The following CAPN11 variants were observed in gnomAD, a reference collection of about 807,000 sequenced individuals.
The protein encoded by CAPN11 is calpain-11.
Under a neutral mutation model 105.3 loss-of-function variants are expected in CAPN11, and 108 were observed. That is an observed-to-expected ratio of 1.03 (90% confidence interval 0.88 to 1.20). The LOEUF is 1.20. Ranked by LOEUF, CAPN11 falls within the 50% of genes most tolerant of loss-of-function variation. The probability of loss-of-function intolerance (pLI) is 0.00; values close to 1 mark genes in which losing one functional copy is unlikely to be tolerated. For synonymous variants in CAPN11, 329 were observed against 344.5 expected (o/e 0.96, Z 0.50); for missense variants, 883 against 924.8 (o/e 0.95, Z 0.59).
intron 2 of CAPN11, chr6:44,169,045 T>G (rs1300074240): frequency 1.8e-6 from 1 of 547,332 alleles, no homozygotes; most frequent in Admixed American, 2.2e-5. Flanking sequence ...ATCCTCCCAT[T>G]TCAGCCTCCT....
intron 4 of CAPN11, among the ~76,000 whole-genome samples, chr6:44,170,821 G>A (rs1196381054): frequency 6.6e-6 from 1 of 152,154 alleles, no homozygotes; most frequent in African/African-American, 2.4e-5. Context: ...CTCTCACAGG[G>A]CTCCCATAGA....
At chr6:44,177,497 T>G in intron 12 of CAPN11, 77 bp downstream of exon 12, 2 of 1,358,294 alleles carry the variant, frequency 1.5e-6, no homozygotes, top group Non-Finnish European at 2.0e-6. Context: ...TCTTTCTTTT[T>G]TTTTTTTCGA....
rs562316719 is a variant in CAPN11, at chr6:44,173,578, T to G, written c.831+192T>G. 3.4e-4 allele frequency among the ~76,000 whole-genome samples: 48 copies of G among 140,116 alleles called. 1 individual carries two copies. Among genetic ancestry groups the G allele is most frequent in the African/African-American group, 1.1e-3 (44 of 39,776 alleles). 91.9% of individuals were successfully genotyped at this position (140,116 alleles called of 152,430 possible). On this transcript the variant is annotated intron_variant, in intron 7 of 22. Transcript: ENST00000398776. Reference sequence around the variant, plus strand: ...CTATTTACTTTCTTTTTGTTTTTTTTTGTTTGTTTGTTTTGTTTTTTTGAG... The same window carrying G: ...CTATTTACTTTCTTTTTGTTTTTTTGTGTTTGTTTGTTTTGTTTTTTTGAG...
chr6:44,183,253 C>A lies in CAPN11; in HGVS notation c.2134+18C>A, dbSNP rs763059041. The A allele has an allele frequency of 6.6e-7, 1 of 1,515,108 alleles. No individual in the cohort carries two copies. The highest frequency in any genetic ancestry group is 9.2e-7 in the Non-Finnish European group (1 of 1,089,784). The allele number at this position is 1,515,108 out of a possible 1,614,324, so 93.9% of individuals were successfully genotyped here. On this transcript the variant is annotated intron_variant, in intron 21 of 22. Transcript: ENST00000398776. ...CATGTTCAGTGAGTTAGGCATCTAC[C>A]CACTCCCCAGCCTAGGCCAGGGGCC...
At chr6:44,180,366 G>T in intron 14 of CAPN11, 94 bp from the exon 15 acceptor site, 3 of 1,243,948 alleles carry the variant, frequency 2.4e-6, no homozygotes, top group Non-Finnish European at 3.5e-6. Flanking sequence ...GCCCTATATT[G>T]CTTCAAAGAC....
At chr6:44,166,257 G>A (rs959400681) in intron 1 of CAPN11, among the ~76,000 whole-genome samples, 2 of 152,180 alleles carry the variant, frequency 1.3e-5, no homozygotes, top group Non-Finnish European at 2.9e-5. Flanking sequence ...CCTTCAGGCT[G>A]AGGAGAAACA....
chr6:44,162,475 C>T lies in CAPN11; in HGVS notation c.16+3611C>T, dbSNP rs564667720. ...CCATTTCTAAGATAATCCCAGAGGG[C>T]TTGGGTTAGAAGAGACAGGGTTTGA... On this transcript the variant is annotated intron_variant, in intron 1 of 22. Coordinates refer to ENST00000398776, the MANE Select transcript of CAPN11 (RefSeq NM_007058.4). Among the ~76,000 whole-genome samples the T allele has an allele frequency of 5.9e-5, 9 of 151,826 alleles. No homozygotes were observed. In the South Asian group the frequency reaches 1.9e-3, roughly 32 times the overall value.
intron 4 of CAPN11, 138 bp from the exon 5 acceptor site, chr6:44,172,164 G>A (rs1342944556): frequency 3.5e-6 from 2 of 571,036 alleles, no homozygotes; most frequent in Non-Finnish European, 3.1e-6. Flanking sequence ...TGGGAGGGCT[G>A]AGGGAGGGTG....
Position 44,184,354 on chromosome 6 carries a change from C to A in CAPN11, c.*422C>A. The A allele has an allele frequency of 9.1e-6, 2 of 220,202 alleles. No individual in the cohort carries two copies. The highest frequency in any genetic ancestry group is 1.8e-5 in the Non-Finnish European group (2 of 109,430). The allele number at this position is 220,202 out of a possible 1,614,324, so 13.6% of individuals were successfully genotyped here. A position where few individuals can be genotyped will look rare whatever the true frequency, so the allele number is the denominator to read the frequency against. On this transcript the variant is annotated 3_prime_UTR_variant, in exon 23 of 23. Transcript: ENST00000398776. The stretch of plus-strand genomic sequence containing the variant: ...CCCATCCTGGCACAGCCTCTGTTTT[C>A]CTCCCCATCTGTGGATACTATTCTA...
At position 44,180,808 on chromosome 6, in the gene CAPN11, G is replaced by A. The variant is rs1317428251; in HGVS notation, c.1804+3G>A. On this transcript the variant is annotated splice_donor_region_variant and intron_variant, in intron 17 of 22. Coordinates refer to ENST00000398776, the MANE Select transcript of CAPN11 (RefSeq NM_007058.4). ...GCTCAACAGGATGGCCATCAAATGT[G>A]AGTCTTCCACTCCTGCTGCACACGA... is the stretch of plus-strand genomic sequence containing the variant. The A allele has an allele frequency of 6.2e-6, 10 of 1,613,372 alleles. No individual in the cohort carries two copies. The East Asian group carries it at 1.3e-4, about 22-fold the overall frequency.
chr6:44,177,503 T>C, intron 12 of CAPN11, 83 bp downstream of exon 12: 2 of 1,316,818 alleles, frequency 1.5e-6, no homozygotes, highest in Non-Finnish European at 2.1e-6. Context: ...TTTTTTTTTT[T>C]TCGAGACAGA....
chr6:44,182,557 C>G (rs565654095), intron 19 of CAPN11, among the ~76,000 whole-genome samples: 22 of 152,134 alleles, frequency 1.4e-4, no homozygotes, highest in African/African-American at 5.3e-4. Flanking sequence ...GGCATGGGGT[C>G]TTAGGCCACT....
chr6:44,180,411 C>A, intron 14 of CAPN11, 49 bp from the exon 15 acceptor site: 1 of 1,599,786 alleles, frequency 6.3e-7, no homozygotes, highest in South Asian at 1.1e-5. Flanking sequence ...ACTAAAACCC[C>A]CACCTCCCTC....
intron 1 of CAPN11, among the ~76,000 whole-genome samples, chr6:44,165,557 G>A (rs1769670996): frequency 6.6e-6 from 1 of 152,200 alleles, no homozygotes; most frequent in South Asian, 2.1e-4. Context: ...GACAATGCAA[G>A]GGACATAGTG....
intron 1 of CAPN11, among the ~76,000 whole-genome samples, chr6:44,160,148 A>T (rs1768470517): frequency 6.6e-6 from 1 of 152,182 alleles, no homozygotes; most frequent in Admixed American, 6.5e-5. Flanking sequence ...AAAAAAAGAA[A>T]ATCACTGACA....
In CAPN11 at chr6:44,169,367, C is replaced by G. The variant is rs762352560; in HGVS notation, c.175C>G (p.Gln59Glu). 4 of 1,614,048 alleles carry G rather than the reference C, an allele frequency of 2.5e-6. No individual in the cohort carries two copies. In the Admixed American group the frequency reaches 6.7e-5, roughly 27 times the overall value. ...AKGVGQHDNA[Q>E]NFGNQSFEEL... The stretch of plus-strand genomic sequence containing the variant: ...GGGCGTGGGCCAGCACGACAACGCC[C>G]AGAACTTTGGTAACCAGAGCTTTGA... The change falls in exon 3 of 23, where the codon CAG (glutamine) becomes GAG (glutamate). Residue 59 changes from glutamine (Q) to glutamate (E), a missense_variant. By Grantham distance (29) the Gln-to-Glu change is conservative. Coordinates refer to ENST00000398776, the MANE Select transcript of CAPN11 (RefSeq NM_007058.4).
rs565367539 is a variant in CAPN11 at position 44,171,398 on chromosome 6, G to A, written c.410-904G>A. Among the ~76,000 whole-genome samples the A allele has an allele frequency of 9.0e-4, 137 of 152,294 alleles. 2 individuals carry two copies. Among genetic ancestry groups the A allele is most frequent in the African/African-American group, 3.2e-3 (132 of 41,552 alleles). ...TGCTGGGGCACATACTGAGCCCTGG[G>A]TCCCCAATATAATGTGGGTGACATG... On this transcript the variant is annotated intron_variant, in intron 4 of 22. Coordinates refer to ENST00000398776, the MANE Select transcript of CAPN11 (RefSeq NM_007058.4).
intron 18 of CAPN11, 49 bp downstream of exon 18, chr6:44,181,046 C>G: frequency 6.4e-7 from 1 of 1,565,394 alleles, no homozygotes; most frequent in Non-Finnish European, 8.8e-7. Flanking sequence ...GCCCACAAGC[C>G]TGGCCCAGAG....
rs1554132531 is a variant in CAPN11, at chr6:44,182,306, C to CACACACACACACACACAT, written c.1939-629_1939-628insACACACACACATACACAC. Among the ~76,000 whole-genome samples, 2 of 66,612 alleles carry CACACACACACACACACAT rather than the reference C, an allele frequency of 3.0e-5. 1 individual carries two copies. The highest frequency in any genetic ancestry group is 7.2e-5 in the Non-Finnish European group (2 of 27,698). The allele number at this position is 66,612 out of a possible 152,430, so 43.7% of individuals were successfully genotyped here. A position where few individuals can be genotyped will look rare whatever the true frequency, so the allele number is the denominator to read the frequency against. On this transcript the variant is annotated intron_variant, in intron 19 of 22. Transcript: ENST00000398776. Reference sequence around the variant, plus strand: ...CACACCACACACACACACACACACACACACACTCACATACAGACACAACCA... The same window carrying CACACACACACACACACAT: ...CACACCACACACACACACACACACACACACACACACACACACATACACACTCACATACAGACACAACCA...
Sources: gnomAD v4.1 joint callset for allele counts (sites outside exome capture counted in the v4.1 genomes callset) on GRCh38, gnomAD v4.1.1 for gene constraint, MANE v1.5 for transcripts, NCBI Gene and HGNC (gene_info 2026-07-23, HGNC 2026-07-21) for gene names.